Variants in CCDC15 observed in about 807,000 individuals in gnomAD.
CCDC15 encodes the protein coiled-coil domain containing 15, also known as coiled-coil domain-containing protein 15.
A neutral mutation model predicts 114.5 loss-of-function variants in CCDC15; 105 were observed. The observed-to-expected ratio is 0.92, with a 90% confidence interval of 0.78 to 1.08. CCDC15 has a LOEUF of 1.08. CCDC15 is among the 50% of genes least tolerant of loss of function. The probability of loss-of-function intolerance (pLI) is 0.00; values close to 1 mark genes in which losing one functional copy is unlikely to be tolerated. For missense variants in CCDC15, 1,105 were observed against 1,093.6 expected (o/e 1.01, Z -0.15); for synonymous variants, 334 against 377.8 (o/e 0.88, Z 1.34).
chr11:124,986,567 C>T (rs1179038870), intron 6 of CCDC15, among the ~76,000 whole-genome samples, 175 bp from the exon 7 acceptor site: 4 of 152,050 alleles, frequency 2.6e-5, no homozygotes, highest in Admixed American at 1.3e-4. Flanking sequence ...CATTGTATAA[C>T]ATTTGACTAT....
intron 13 of CCDC15, among the ~76,000 whole-genome samples, chr11:125,011,340 C>T (rs893406488): frequency 6.6e-6 from 1 of 151,720 alleles, no homozygotes; most frequent in Non-Finnish European, 1.5e-5. Flanking sequence ...CGAGTTCAAG[C>T]GATTCTCCTG....
At chr11:125,037,606 A>G (rs573877506) in intron 13 of CCDC15, 8 of 152,144 alleles carry the variant, frequency 5.3e-5, no homozygotes, top group African/African-American at 1.9e-4. Context: ...CTTCACTTCA[A>G]TTTCCCTGCC....
At chr11:124,986,664 G>C in intron 6 of CCDC15, 78 bp from the exon 7 acceptor site, 1 of 1,198,114 alleles carries the variant, frequency 8.3e-7, no homozygotes, top group Non-Finnish European at 1.1e-6. Flanking sequence ...TAGCTACATG[G>C]TGCTGTGTGT....
At chr11:124,955,800 T>C (rs918062331) in intron 2 of CCDC15, among the ~76,000 whole-genome samples, 2 of 152,312 alleles carry the variant, frequency 1.3e-5, no homozygotes, top group Middle Eastern at 3.4e-3. Context: ...TTTGCACATA[T>C]GTATGTATAT....
At chr11:125,008,746 GC>G (rs1246900110) in intron 13 of CCDC15, among the ~76,000 whole-genome samples, 1 of 151,768 alleles carries the variant, frequency 6.6e-6, no homozygotes, top group Admixed American at 6.6e-5. Context: ...AGGCTGGAGT[GC>G]AGTGGCGTGA....
intron 1 of CCDC15, 100 bp from the exon 2 acceptor site, chr11:124,954,624 G>A (rs2135420618): frequency 1.0e-6 from 1 of 981,086 alleles, no homozygotes; most frequent in Non-Finnish European, 1.5e-6. Context: ...CTGCCTCCAG[G>A]GCTTCTCTCC....
chr11:125,015,676 A>T (rs188688187), intron 13 of CCDC15, among the ~76,000 whole-genome samples: 116 of 152,318 alleles, frequency 7.6e-4, no homozygotes, highest in African/African-American at 2.6e-3. Context: ...GGAAAAAATA[A>T]CATAAAGTTT....
At position 125,038,525 on chromosome 11, in the gene CCDC15, A is replaced by T. The variant is rs767448388; in HGVS notation, c.2506A>T (p.Ser836Cys). The change falls in exon 14 of 16, where the codon AGT (serine) becomes TGT (cysteine). Residue 836 changes from serine to cysteine, a missense_variant. Transcript: ENST00000344762. ...HEDPYSGEKL[S>C]EILAQLQLQE... ...AGATCCATATTCAGGAGAGAAGTTGAGTGAGATATTAGCCCAGTTACAACT... is the reference window on the plus strand; with the variant it reads ...AGATCCATATTCAGGAGAGAAGTTGTGTGAGATATTAGCCCAGTTACAACT... 3.8e-6 allele frequency: 6 copies of T among 1,588,456 alleles called. No homozygotes were observed. The highest frequency in any genetic ancestry group is 5.1e-6 in the Non-Finnish European group (6 of 1,166,278).
In CCDC15 at chr11:124,959,812, T is replaced by A. The variant is rs1453637324; in HGVS notation, c.328-3T>A. 1 of 1,589,516 alleles carries A rather than the reference T, an allele frequency of 6.3e-7. No homozygotes were observed. Among genetic ancestry groups the A allele is most frequent in the Non-Finnish European group, 8.6e-7 (1 of 1,167,250 alleles). ...TACTATCCCCCTTTCTTCTTTCGTG[T>A]AGGCACAAAAAGAAGGCTCCATAGC... On this transcript the variant is annotated splice_polypyrimidine_tract_variant and splice_region_variant and intron_variant, in intron 3 of 15. Coordinates refer to ENST00000344762, the MANE Select transcript of CCDC15 (RefSeq NM_025004.3).
At chr11:125,011,258 A>G (rs1347496152) in intron 13 of CCDC15, among the ~76,000 whole-genome samples, 1 of 131,998 alleles carries the variant, frequency 7.6e-6, no homozygotes, top group Non-Finnish European at 1.6e-5. Context: ...ATTTTTTAAG[A>G]TGGAGTTTCA....
At chr11:125,037,824 G>A (rs905324309) in intron 13 of CCDC15, among the ~76,000 whole-genome samples, 3 of 151,912 alleles carry the variant, frequency 2.0e-5, no homozygotes, top group Non-Finnish European at 2.9e-5. Flanking sequence ...GGGCAAATGC[G>A]GTCCCTGTTA....
chr11:124,975,828 G>C (rs1166424031), intron 5 of CCDC15, among the ~76,000 whole-genome samples: 1 of 151,984 alleles, frequency 6.6e-6, no homozygotes, highest in East Asian at 1.9e-4. Context: ...TTGTCATAAA[G>C]TATGTCACTT....
chr11:124,964,193 C>T (rs1947724975), intron 4 of CCDC15, among the ~76,000 whole-genome samples: 1 of 152,118 alleles, frequency 6.6e-6, no homozygotes, highest in South Asian at 2.1e-4. Flanking sequence ...TCAGTGGTAG[C>T]TTGATGGGGA....
intron 6 of CCDC15, among the ~76,000 whole-genome samples, chr11:124,978,487 T>A (rs1272633201): frequency 6.6e-6 from 1 of 152,186 alleles, no homozygotes; most frequent in Non-Finnish European, 1.5e-5. Flanking sequence ...TAGTGGTGTA[T>A]AAGCATTCCT....
chr11:124,957,523 G>A (rs926477672), intron 2 of CCDC15, among the ~76,000 whole-genome samples: 4 of 152,192 alleles, frequency 2.6e-5, no homozygotes, highest in Non-Finnish European at 2.9e-5. Context: ...AACAGAGGTG[G>A]AAGTTTCTTT....
intron 5 of CCDC15, among the ~76,000 whole-genome samples, chr11:124,976,875 G>T (rs1253637727): frequency 6.6e-6 from 1 of 152,090 alleles, no homozygotes; most frequent in Non-Finnish European, 1.5e-5. Flanking sequence ...CTACCTACTT[G>T]CTTCCAAAGA....
At chr11:124,985,238 A>G (rs564486075) in intron 6 of CCDC15, among the ~76,000 whole-genome samples, 1 of 152,230 alleles carries the variant, frequency 6.6e-6, no homozygotes, top group South Asian at 2.1e-4. Flanking sequence ...CATTTGGTTT[A>G]TCCATTTATC....
Position 125,005,103 on chromosome 11 carries a change from C to G in CCDC15, c.2308-6C>G, listed in dbSNP as rs777977084. ...AATCTTAGTAATTTTAACTTCTTACCTTTAGCGTCAAAAGCAGTACCTGAG... is the reference window on the plus strand; with the variant it reads ...AATCTTAGTAATTTTAACTTCTTACGTTTAGCGTCAAAAGCAGTACCTGAG... On this transcript the variant is annotated splice_polypyrimidine_tract_variant and splice_region_variant and intron_variant, in intron 12 of 15. Coordinates refer to ENST00000344762, the MANE Select transcript of CCDC15 (RefSeq NM_025004.3). 2.9e-6 allele frequency: 4 copies of G among 1,358,046 alleles called. No homozygotes were observed. The African/African-American group carries it at 4.4e-5, about 15-fold the overall frequency. 84.1% of individuals were successfully genotyped at this position (1,358,046 alleles called of 1,614,324 possible).
At chr11:124,975,427 G>A (rs1246737066) in intron 5 of CCDC15, among the ~76,000 whole-genome samples, 1 of 152,086 alleles carries the variant, frequency 6.6e-6, no homozygotes, top group African/African-American at 2.4e-5. Flanking sequence ...AAGTGTCTGT[G>A]ATATAAAGTT....
Sources: gnomAD v4.1 joint callset for allele counts (sites outside exome capture counted in the v4.1 genomes callset) on GRCh38, gnomAD v4.1.1 for gene constraint, MANE v1.5 for transcripts, NCBI Gene and HGNC (gene_info 2026-07-23, HGNC 2026-07-21) for gene names.